RB1: variants seen among roughly 807,000 people sequenced by gnomAD.
RB1 encodes the protein RB transcriptional corepressor 1, also known as retinoblastoma-associated protein.
A neutral mutation model predicts 135.4 loss-of-function variants in RB1; 18 were observed. That is an observed-to-expected ratio of 0.13 (90% CI 0.09 to 0.20). RB1 has a LOEUF of 0.20. RB1 is among the 10% of genes least tolerant of loss of function. The pLI, the probability that RB1 is intolerant of heterozygous loss-of-function variation, is 1.00. For synonymous variants in RB1, 365 were observed against 373.2 expected (o/e 0.98, Z 0.25); for missense variants, 868 against 1,110.0 (o/e 0.78, Z 3.10).
chr13:48,351,891 C>T (rs528047781), intron 6 of RB1, among the ~76,000 whole-genome samples: 2 of 152,092 alleles, frequency 1.3e-5, no homozygotes, highest in Non-Finnish European at 2.9e-5. Flanking sequence ...CCAGGCTGGT[C>T]TTGAACTCCC....
At chr13:48,410,824 G>T (rs934388340) in intron 17 of RB1, among the ~76,000 whole-genome samples, 4 of 152,030 alleles carry the variant, frequency 2.6e-5, no homozygotes, top group African/African-American at 9.7e-5. Context: ...ATGTGTTACT[G>T]CTCAAGATCT....
chr13:48,390,858 G>C (rs1470570466), intron 17 of RB1, among the ~76,000 whole-genome samples: 1 of 152,088 alleles, frequency 6.6e-6, no homozygotes, highest in African/African-American at 2.4e-5. Context: ...TATTCTTAAA[G>C]AAGTGATTTT....
chr13:48,319,952 C>T lies in RB1; in HGVS notation c.264+12546C>T, dbSNP rs571112254. On this transcript the variant is annotated intron_variant, in intron 2 of 26. Transcript: ENST00000267163. The surrounding 1 kb of genome is among the most constrained non-coding windows in gnomAD (Gnocchi z 5.0). The stretch of plus-strand genomic sequence containing the variant: ...GGGGGGACACACGGAAGTCGGGGCA[C>T]TGCCGTGAGATAGTTCTGGCTTACA... 6 of 351,472 alleles carry T rather than the reference C, an allele frequency of 1.7e-5. No homozygotes were observed. In the South Asian group the frequency reaches 2.1e-4, roughly 13 times the overall value. 21.8% of individuals were successfully genotyped at this position (351,472 alleles called of 1,614,324 possible).
intron 2 of RB1, chr13:48,341,476 A>C (rs1274489907): frequency 1.3e-5 from 2 of 152,056 alleles, no homozygotes; most frequent in African/African-American, 4.8e-5. Flanking sequence ...TTAACTTTAT[A>C]AGAACTTCCA....
At chr13:48,417,799 GAAAT>G (rs1948938566) in intron 17 of RB1, among the ~76,000 whole-genome samples, 1 of 152,176 alleles carries the variant, frequency 6.6e-6, no homozygotes, top group African/African-American at 2.4e-5. Context: ...TCACCTTTAT[GAAAT>G]AAAGTGTGAA....
At chr13:48,345,221 G>A in intron 4 of RB1, 22 bp downstream of exon 4, 1 of 1,606,478 alleles carries the variant, frequency 6.2e-7, no homozygotes, top group Non-Finnish European at 8.5e-7. Flanking sequence ...ATTTTATTAG[G>A]TTTACACTCT....
At chr13:48,371,718 G>A (rs1163852208) in intron 11 of RB1, among the ~76,000 whole-genome samples, 1 of 152,040 alleles carries the variant, frequency 6.6e-6, no homozygotes, top group Admixed American at 6.6e-5. Flanking sequence ...GGCAAGAGTG[G>A]GTGGCTAAGG....
Position 48,364,937 on chromosome 13 carries a change from C to G in RB1, c.905C>G (p.Ser302Cys), listed in dbSNP as rs1208736713. The change falls in exon 9 of 27, where the codon TCT becomes TGT. Residue 302 changes from serine to cysteine, a missense_variant. This residue lies in a region of RB1 where 641 missense variants were observed against 791.3 expected (regional missense o/e 0.81). Transcript: ENST00000267163. ...YFKNFIPFMNSLGLVTSNGLP... is the reference protein window; with the variant it reads ...YFKNFIPFMNCLGLVTSNGLP... ...AAAAATTTTATACCTTTTATGAATTCTCTTGGACTTGTAACATCTAATGGA... is the reference window on the plus strand; with the variant it reads ...AAAAATTTTATACCTTTTATGAATTGTCTTGGACTTGTAACATCTAATGGA... 5 of 1,570,590 alleles carry G rather than the reference C, an allele frequency of 3.2e-6. No individual in the cohort carries two copies. Among genetic ancestry groups the G allele is most frequent in the Non-Finnish European group, 3.5e-6 (4 of 1,153,826 alleles).
intron 17 of RB1, among the ~76,000 whole-genome samples, chr13:48,384,372 A>G (rs1948557868): frequency 6.6e-6 from 1 of 152,100 alleles, no homozygotes; most frequent in Non-Finnish European, 1.5e-5. Flanking sequence ...GATACTGTGT[A>G]TTTTTCCTGT....
chr13:48,340,026 T>A (rs1952428734), intron 2 of RB1, among the ~76,000 whole-genome samples: 1 of 152,216 alleles, frequency 6.6e-6, no homozygotes, highest in African/African-American at 2.4e-5. Context: ...AAGTTCATTT[T>A]CTACAGAGGT....
intron 2 of RB1, chr13:48,328,328 T>C (rs1216747862): frequency 4.4e-6 from 7 of 1,586,972 alleles, no homozygotes; most frequent in Non-Finnish European, 6.1e-6. Context: ...GAACAGTTTC[T>C]TTAGGCTTAC....
At position 48,480,062 on chromosome 13, in the gene RB1, A is replaced by C. The variant is rs1433767914; in HGVS notation, c.2778A>C (p.Glu926Asp). 2.5e-6 allele frequency: 4 copies of C among 1,612,100 alleles called. No individual in the cohort carries two copies. In the African/African-American group the frequency reaches 5.3e-5, roughly 22 times the overall value. The stretch of plus-strand genomic sequence containing the variant: ...ATAGCATGGATACCTCAAACAAGGA[A>C]GAGAAATGAGGATCTCAGGACCTTG... ...MNDSMDTSNK[E>D]EK is the part of the protein sequence containing the mutation. Residue 926 changes from glutamate (E) to aspartate (D), a missense_variant, in exon 27 of 27, where the codon GAA becomes GAC. Physicochemically the swap from Glu to Asp is conservative, Grantham distance 45. This residue lies in a region of RB1 where 196 missense variants were observed against 239.8 expected (regional missense o/e 0.82). Transcript: ENST00000267163.
intron 5 of RB1, among the ~76,000 whole-genome samples, chr13:48,348,507 T>C (rs774949491): frequency 6.6e-6 from 1 of 151,862 alleles, no homozygotes; most frequent in Non-Finnish European, 1.5e-5. Flanking sequence ...CCTTCATTTT[T>C]CTGCTCACAG....
intron 17 of RB1, among the ~76,000 whole-genome samples, chr13:48,386,216 G>T (rs544670452): frequency 6.6e-6 from 1 of 152,084 alleles, no homozygotes; most frequent in Non-Finnish European, 1.5e-5. Context: ...GCTAAATGAT[G>T]GGGATACATT....
chr13:48,380,070 C>T lies in RB1; in HGVS notation c.1407C>T (p.Ser469=), dbSNP rs2138142289. 7.4e-7 allele frequency: 1 copy of T among 1,352,192 alleles called. No homozygotes were observed. The allele number at this position is 1,352,192 out of a possible 1,614,324, so 83.8% of individuals were successfully genotyped here. ...TGTTTCAGGAAGAAGAACGATTATC[C>T]ATTCAAAATTTTAGGTAAATTTTTT... ...SMLKSEEERL[S]IQNFSKLLND... is the part of the protein sequence containing the mutation. The change falls in exon 15 of 27, where the codon TCC becomes TCT. Residue 469 remains serine (S), a synonymous_variant. Transcript: ENST00000267163.
chr13:48,431,456 A>G (rs1949128866), intron 17 of RB1, among the ~76,000 whole-genome samples: 1 of 152,232 alleles, frequency 6.6e-6, no homozygotes, highest in Non-Finnish European at 1.5e-5. Flanking sequence ...TGGAATTCAA[A>G]GAGACTAGCT....
At chr13:48,360,767 T>G (rs1952632182) in intron 7 of RB1, 1 of 152,190 alleles carries the variant, frequency 6.6e-6, no homozygotes, top group South Asian at 2.1e-4. Context: ...CTAGAATTGC[T>G]TCCTTTCATG....
At chr13:48,320,428 C>T in intron 2 of RB1, 1 of 1,064,782 alleles carries the variant, frequency 9.4e-7, no homozygotes, top group South Asian at 1.3e-5. Context: ...AAAGGCCTCC[C>T]ATTTGGACTG....
At chr13:48,346,749 A>G (rs2138090074) in intron 4 of RB1, among the ~76,000 whole-genome samples, 1 of 152,222 alleles carries the variant, frequency 6.6e-6, no homozygotes, top group Admixed American at 6.5e-5. Context: ...GACTGTGTGT[A>G]AGGAAGAAAC....
Sources: gnomAD v4.1 joint callset for allele counts (sites outside exome capture counted in the v4.1 genomes callset) on GRCh38, gnomAD v4.1.1 for gene constraint, gnomAD v4.1.1 regional missense constraint, Gnocchi (gnomAD v3.1) non-coding constraint, MANE v1.5 for transcripts, NCBI Gene and HGNC (gene_info 2026-07-23, HGNC 2026-07-21) for gene names.